CYP11B1: variants seen among roughly 807,000 people sequenced by gnomAD.
CYP11B1 encodes the protein cytochrome P450 family 11 subfamily B member 1.
In CYP11B1, 34 loss-of-function variants were observed where a neutral mutation model predicts 48.3. The ratio of observed to expected loss-of-function variants is 0.70; its 90% CI spans 0.54 to 0.94. The LOEUF (loss-of-function observed/expected upper bound fraction) is 0.94, where lower values mean the gene tolerates loss of function less well. Among genes scored for constraint, CYP11B1 ranks in the 40% least tolerant of loss-of-function variants. The probability of loss-of-function intolerance (pLI) is 0.00; values close to 1 mark genes in which losing one functional copy is unlikely to be tolerated. For missense variants in CYP11B1, 688 were observed against 657.4 expected, an observed-to-expected ratio of 1.05 and a Z score of -0.51; for synonymous variants, 291 against 262.5, an observed-to-expected ratio of 1.11 and a Z score of -1.05.
In CYP11B1 at chr8:142,876,303, C is replaced by G. The variant is rs372463434; in HGVS notation, c.892G>C (p.Glu298Gln). 13 of 1,614,088 alleles carry G rather than the reference C, an allele frequency of 8.1e-6. No individual in the cohort carries two copies. Among genetic ancestry groups the G allele is most frequent in the African/African-American group, 2.7e-5 (2 of 74,904 alleles). Residue 298 changes from glutamate to glutamine, a missense_variant, in exon 5 of 9, where the codon GAA becomes CAA. Glu to Gln is a conservative substitution (Grantham distance 29). Transcript: ENST00000292427. ...GCCTTGATGGCATCTGGCGACAGTT[C>G]CGCATTCAACAGGAGCTCCGCCACG... ...SIVAELLLNA[E>Q]LSPDAIKANS...
In CYP11B1 at chr8:142,872,944, CAA is replaced by C. The variant is rs1816839175; in HGVS notation, c.*1427_*1428del. ...CAGCAAGAAGGTTTTATCTATGAAACAAGAGGTGGGTCCTCACCAGACACAGA... is the reference window on the plus strand; with the variant it reads ...CAGCAAGAAGGTTTTATCTATGAAACGAGGTGGGTCCTCACCAGACACAGA... On this transcript the variant is annotated 3_prime_UTR_variant, in exon 9 of 9. Coordinates refer to ENST00000292427, the MANE Select transcript of CYP11B1 (RefSeq NM_000497.4). 1 of 152,232 alleles carries C rather than the reference CAA, an allele frequency of 6.6e-6. No homozygotes were observed. The highest frequency in any genetic ancestry group is 6.5e-5 in the Admixed American group (1 of 15,286). 9.4% of individuals were successfully genotyped at this position (152,232 alleles called of 1,614,324 possible).
At chr8:142,874,926 C>G (rs1247691185) in intron 8 of CYP11B1, 31 bp downstream of exon 8, 1 of 1,610,654 alleles carries the variant, frequency 6.2e-7, no homozygotes. Context: ...CAGACCCCGC[C>G]CAGGCCCCTC....
rs1817056668 is a variant in CYP11B1, at chr8:142,879,034, C to G, written c.393G>C (p.Leu131Phe). 1 of 1,614,022 alleles carries G rather than the reference C, an allele frequency of 6.2e-7. No individual in the cohort carries two copies. ...QHRGHKCGVFLLNGPEWRFNR... is the reference protein window; with the variant it reads ...QHRGHKCGVFFLNGPEWRFNR... ...CCAGCTCTCAGCTCGCCGCTTACAG[C>G]AAGAACACGCCACATTTGTGCCCAC... Residue 131 changes from leucine (L) to phenylalanine (F), a missense_variant and splice_region_variant, in exon 2 of 9, where the codon TTG becomes TTC. Coordinates refer to ENST00000292427, the MANE Select transcript of CYP11B1 (RefSeq NM_000497.4).
Position 142,878,263 on chromosome 8 carries a change from C to G in CYP11B1, c.395+769G>C, listed in dbSNP as rs370811761. 7.1e-3 allele frequency among the ~76,000 whole-genome samples: 1,080 copies of G among 152,312 alleles called. 15 individuals carry two copies. The highest frequency in any genetic ancestry group is 0.025 in the African/African-American group (1,048 of 41,556). On this transcript the variant is annotated intron_variant, in intron 2 of 8. Coordinates refer to ENST00000292427, the MANE Select transcript of CYP11B1 (RefSeq NM_000497.4). The stretch of plus-strand genomic sequence containing the variant: ...GTAGGCCAGCCTCAGTGAAGGCCCC[C>G]ACCCTTGAGTGCCCTTTTACCTAAA...
At chr8:142,877,314 G>A (rs1816992266) in intron 2 of CYP11B1, 92 bp from the exon 3 acceptor site, 3 of 1,254,606 alleles carry the variant, frequency 2.4e-6, no homozygotes, top group African/African-American at 1.5e-5. Flanking sequence ...AGGGGAATCG[G>A]CCTGCAGGGA....
At position 142,874,439 on chromosome 8, in the gene CYP11B1, C is replaced by G. The variant is rs377722814; in HGVS notation, c.1446G>C (p.Lys482Asn). 1.2e-6 allele frequency: 2 copies of G among 1,614,076 alleles called. No homozygotes were observed. The highest frequency in any genetic ancestry group is 1.1e-5 in the South Asian group (1 of 91,070). Residue 482 changes from lysine (K) to asparagine (N), a missense_variant, in exon 9 of 9, where the codon AAG (lysine) becomes AAC (asparagine). Coordinates refer to ENST00000292427, the MANE Select transcript of CYP11B1 (RefSeq NM_000497.4). ...GCCTCAATATGAAGCTGTAGACCAT[C>G]TTTATGTCCTCTTGGGTTAGTGTCT... Reference protein sequence around the residue: ...QVETLTQEDIKMVYSFILRPS... With the variant: ...QVETLTQEDINMVYSFILRPS...
chr8:142,876,162 C>T (rs1816941079), intron 5 of CYP11B1, 79 bp downstream of exon 5: 5 of 1,584,874 alleles, frequency 3.2e-6, no homozygotes, highest in Non-Finnish European at 4.3e-6. Flanking sequence ...CACGTGGGCG[C>T]CGTGTGACAT....
At position 142,874,951 on chromosome 8, in the gene CYP11B1, G is replaced by C. The variant is rs776284924; in HGVS notation, c.1398+6C>G. ...CCAGGCCCCTCCCCAGCCCGGGCCT[G>C]CTCACATGGTGCAGCAGCAGCAGCA... On this transcript the variant is annotated splice_donor_region_variant and intron_variant, in intron 8 of 8. Coordinates refer to ENST00000292427, the MANE Select transcript of CYP11B1 (RefSeq NM_000497.4). The C allele has an allele frequency of 3.2e-5, 51 of 1,612,874 alleles. No homozygotes were observed. In the Admixed American group the frequency reaches 8.5e-4, roughly 27 times the overall value.
chr8:142,874,932 C>A (rs763699043), intron 8 of CYP11B1, 25 bp downstream of exon 8: 4 of 1,611,478 alleles, frequency 2.5e-6, no homozygotes, highest in Non-Finnish European at 3.4e-6. Context: ...CCGCCCAGGC[C>A]CCTCCCCAGC....
rs1338693161 is a variant in CYP11B1 at position 142,873,495 on chromosome 8, A to G, written c.*878T>C. ...GTCGTGGCACATGACATGGCTCCGTATCAACCAGAGAAATGAGTCAATAAA... is the reference window on the plus strand; with the variant it reads ...GTCGTGGCACATGACATGGCTCCGTGTCAACCAGAGAAATGAGTCAATAAA... On this transcript the variant is annotated 3_prime_UTR_variant, in exon 9 of 9. Coordinates refer to ENST00000292427, the MANE Select transcript of CYP11B1 (RefSeq NM_000497.4). 1.3e-5 allele frequency: 2 copies of G among 152,260 alleles called. No homozygotes were observed. Among genetic ancestry groups the G allele is most frequent in the East Asian group, 1.9e-4 (1 of 5,184 alleles). 9.4% of individuals were successfully genotyped at this position (152,260 alleles called of 1,614,324 possible).
Position 142,879,676 on chromosome 8 carries a change from G to A in CYP11B1, c.138C>T (p.Gly46=), listed in dbSNP as rs768052570. The change falls in exon 1 of 9, where the codon GGC becomes GGT. Residue 46 remains glycine, a synonymous_variant. Transcript: ENST00000292427. ...LPFEAMPRRP[G]NRWLRLLQIW... is the part of the protein sequence containing the mutation. ...TCTGCAGCAGCCTCAGCCACCTGTT[G>A]CCTGGACGCCGGGGCATGGCTTCAA... is the stretch of plus-strand genomic sequence containing the variant. 6.5e-5 allele frequency: 105 copies of A among 1,614,116 alleles called. No homozygotes were observed. Among genetic ancestry groups the A allele is most frequent in the Middle Eastern group, 3.3e-4 (2 of 6,084 alleles).
intron 8 of CYP11B1, 82 bp downstream of exon 8, chr8:142,874,875 C>CGG: frequency 1.3e-6 from 2 of 1,542,050 alleles, no homozygotes; most frequent in Non-Finnish European, 1.8e-6. Context: ...CCCACTCTGC[C>CGG]GAGGCCAGTC....
At chr8:142,878,317 C>T (rs1817028649) in intron 2 of CYP11B1, among the ~76,000 whole-genome samples, 1 of 152,198 alleles carries the variant, frequency 6.6e-6, no homozygotes, top group African/African-American at 2.4e-5. Flanking sequence ...CGTTCTCCTC[C>T]TGCCATGGAG....
chr8:142,875,176 G>T, intron 7 of CYP11B1, 22 bp from the exon 8 acceptor site: 1 of 1,614,248 alleles, frequency 6.2e-7, no homozygotes, highest in Non-Finnish European at 8.5e-7. Context: ...GCAGAGCGGG[G>T]ATCAGGGAAT....
intron 5 of CYP11B1, 161 bp from the exon 6 acceptor site, chr8:142,876,039 C>A: frequency 8.9e-7 from 1 of 1,122,948 alleles, no homozygotes; most frequent in Non-Finnish European, 1.3e-6. Flanking sequence ...AACCCCTTTC[C>A]CTGAGTCCTC....
In CYP11B1 at chr8:142,874,498, G is replaced by T. The variant is rs1341267862; in HGVS notation, c.1399-12C>A. 7 of 1,591,728 alleles carry T rather than the reference G, an allele frequency of 4.4e-6. No homozygotes were observed. The highest frequency in any genetic ancestry group is 3.3e-5 in the Admixed American group (2 of 59,962). ...AGGTGTTTCAGCACCTAGGACAGAA[G>T]CCGGGTTTCCATCTGGCTTGGTCCG... On this transcript the variant is annotated splice_polypyrimidine_tract_variant and intron_variant, in intron 8 of 8. Transcript: ENST00000292427.
chr8:142,875,839 G>A lies in CYP11B1; in HGVS notation c.994C>T (p.Arg332Trp), dbSNP rs777626314. The change falls in exon 6 of 9, where the codon CGG (arginine) becomes TGG (tryptophan). Residue 332 changes from arginine (R) to tryptophan (W), a missense_variant. By Grantham distance (101) the Arg-to-Trp change is moderately radical. Transcript: ENST00000292427. Reference protein sequence around the residue: ...PLLMTLFELARNPNVQQALRQ... With the variant: ...PLLMTLFELAWNPNVQQALRQ... Reference sequence around the variant, plus strand: ...AGGGCCTGCTGCACGTTGGGGTTCCGAGCCAGCTCAAAGAGCGTCATCAGC... The same window carrying A: ...AGGGCCTGCTGCACGTTGGGGTTCCAAGCCAGCTCAAAGAGCGTCATCAGC... 7 of 1,614,104 alleles carry A rather than the reference G, an allele frequency of 4.3e-6. No individual in the cohort carries two copies. Among genetic ancestry groups the A allele is most frequent in the Non-Finnish European group, 5.9e-6 (7 of 1,180,006 alleles).
In CYP11B1 at chr8:142,879,608, T is replaced by C. The variant is rs747287245; in HGVS notation, c.206A>G (p.His69Arg). The C allele has an allele frequency of 2.5e-5, 40 of 1,614,074 alleles. No homozygotes were observed. The highest frequency in any genetic ancestry group is 3.4e-5 in the Non-Finnish European group (40 of 1,180,032). ...QGYEDLHLEV[H>R]QTFQELGPIF... is the part of the protein sequence containing the mutation. ...GGGCCCTAGTTCCTGGAAGGTCTGG[T>C]GTACTTCCAGGTGCAGGTCCTCATA... The change falls in exon 1 of 9, where the codon CAC becomes CGC. Residue 69 changes from histidine to arginine, a missense_variant. His to Arg is a conservative substitution (Grantham distance 29). Transcript: ENST00000292427.
At chr8:142,877,917 C>G in intron 2 of CYP11B1, 2 of 1,132,390 alleles carry the variant, frequency 1.8e-6, no homozygotes, top group Non-Finnish European at 2.6e-6. Context: ...TGCACATGCT[C>G]ACATGCGCCC....
Sources: gnomAD v4.1 joint callset for allele counts (sites outside exome capture counted in the v4.1 genomes callset) on GRCh38, gnomAD v4.1.1 for gene constraint, MANE v1.5 for transcripts, NCBI Gene and HGNC (gene_info 2026-07-23, HGNC 2026-07-21) for gene names.